TANGO2: variants seen among roughly 807,000 people sequenced by gnomAD.
The protein encoded by TANGO2 is transport and golgi organization 2 homolog.
TANGO2 carries 26 observed loss-of-function variants against 39.1 expected under a neutral mutation model. The ratio of observed to expected loss-of-function variants is 0.67; its 90% confidence interval spans 0.49 to 0.92. The LOEUF is 0.92. Among genes scored for constraint, TANGO2 ranks in the 40% least tolerant of loss-of-function variants. The pLI is 0.00. For missense variants in TANGO2, 326 were observed against 360.1 expected, an observed-to-expected ratio of 0.91 and a Z score of 0.77; for synonymous variants, 131 against 144.5, an observed-to-expected ratio of 0.91 and a Z score of 0.67.
intron 6 of TANGO2, among the ~76,000 whole-genome samples, chr22:20,059,636 T>C (rs1010899607): frequency 1.3e-5 from 2 of 152,200 alleles, no homozygotes; most frequent in Non-Finnish European, 2.9e-5. Flanking sequence ...ATGGCTATGA[T>C]GTTGAGCAGC....
In TANGO2 at chr22:20,043,392, C is replaced by A. The variant is rs199801224; in HGVS notation, c.94C>A (p.Arg32=). 2.5e-6 allele frequency: 4 copies of A among 1,613,662 alleles called. No individual in the cohort carries two copies. Among genetic ancestry groups the A allele is most frequent in the Non-Finnish European group, 3.4e-6 (4 of 1,179,668 alleles). ...LAANRDEFYS[R]PSKLADFWGN... The stretch of plus-strand genomic sequence containing the variant: ...AGCCAACAGGGATGAATTCTACAGC[C>A]GACCCTCCAAGTTAGCTGACTTCTG... The change falls in exon 3 of 9, where the codon CGA becomes AGA. Residue 32 remains arginine, a synonymous_variant. Transcript: ENST00000327374.
chr22:20,025,491 A>G (rs576723691), intron 1 of TANGO2, among the ~76,000 whole-genome samples: 109 of 152,160 alleles, frequency 7.2e-4, no homozygotes, highest in African/African-American at 2.6e-3. Flanking sequence ...AGATTGTACA[A>G]AGTGAACCCA....
chr22:20,030,490 G>A (rs1288011079), intron 1 of TANGO2, among the ~76,000 whole-genome samples: 1 of 152,150 alleles, frequency 6.6e-6, no homozygotes, highest in African/African-American at 2.4e-5. Context: ...GGGACTACAG[G>A]CGCCCGCCAC....
intron 1 of TANGO2, among the ~76,000 whole-genome samples, chr22:20,032,762 G>C (rs1357158295): frequency 6.6e-6 from 1 of 152,254 alleles, no homozygotes; most frequent in Non-Finnish European, 1.5e-5. Context: ...TGGCACAAGA[G>C]ATGCCCTGAG....
At chr22:20,025,238 G>A (rs1182743997) in intron 1 of TANGO2, among the ~76,000 whole-genome samples, 2 of 150,852 alleles carry the variant, frequency 1.3e-5, no homozygotes, top group African/African-American at 2.4e-5. Context: ...GATTACAGGC[G>A]TGCATCACCA....
Position 20,063,720 on chromosome 22 carries a change from C to T in TANGO2, c.710+278C>T, listed in dbSNP as rs545475459. 673 of 382,576 alleles carry T rather than the reference C, an allele frequency of 1.8e-3. 2 individuals are homozygous for T. Among genetic ancestry groups the T allele is most frequent in the Admixed American group, 5.9e-3 (134 of 22,854 alleles). 23.7% of individuals were successfully genotyped at this position (382,576 alleles called of 1,614,324 possible). On this transcript the variant is annotated intron_variant, in intron 8 of 8. Transcript: ENST00000327374. ...ACATTGGTGGATCCCTGCGGGCAAA[C>T]GCCCCGGCACCATGGCACTAGGCCT...
chr22:20,018,763 A>G (rs1945382059), upstream of TANGO2, among the ~76,000 whole-genome samples: 1 of 152,170 alleles, frequency 6.6e-6, no homozygotes. Context: ...TCGGCCCATT[A>G]GGCTGCAGCC....
At chr22:20,028,529 TG>T (rs1182323168) in intron 1 of TANGO2, among the ~76,000 whole-genome samples, 1 of 152,258 alleles carries the variant, frequency 6.6e-6, no homozygotes, top group Non-Finnish European at 1.5e-5. Context: ...CTGCCAGTCG[TG>T]GCTACAGGAG....
intron 3 of TANGO2, among the ~76,000 whole-genome samples, chr22:20,045,454 A>G (rs976150544): frequency 6.6e-6 from 1 of 151,230 alleles, no homozygotes; most frequent in Non-Finnish European, 1.5e-5. Context: ...AAGAAAAGAA[A>G]TGCAAATCAA....
At chr22:20,036,602 G>A (rs2042895129) in intron 1 of TANGO2, among the ~76,000 whole-genome samples, 158 bp from the exon 2 acceptor site, 1 of 152,188 alleles carries the variant, frequency 6.6e-6, no homozygotes, top group Non-Finnish European at 1.5e-5. Flanking sequence ...AGTTGTTTGT[G>A]TGGCACCGGC....
intron 1 of TANGO2, among the ~76,000 whole-genome samples, chr22:20,031,435 G>A (rs778756598): frequency 1.6e-4 from 25 of 152,192 alleles, no homozygotes; most frequent in Non-Finnish European, 2.5e-4. Flanking sequence ...GCCCTGCTGC[G>A]CTGTGCTGGT....
chr22:20,053,045 A>C (rs1035460948), intron 4 of TANGO2, among the ~76,000 whole-genome samples: 5 of 151,018 alleles, frequency 3.3e-5, no homozygotes, highest in South Asian at 4.2e-4. Flanking sequence ...CTCAGGGCGC[A>C]CTCTCCCCTT....
intron 6 of TANGO2, chr22:20,056,807 T>G: frequency 2.2e-6 from 1 of 456,658 alleles, no homozygotes; most frequent in Non-Finnish European, 4.4e-6. Flanking sequence ...CGGGGACTGC[T>G]GGCTCACTCA....
intron 6 of TANGO2, 149 bp downstream of exon 6, chr22:20,056,162 G>T (rs748731278): frequency 1.1e-5 from 8 of 729,446 alleles, no homozygotes; most frequent in Non-Finnish European, 2.0e-5. Flanking sequence ...TGGGCACCTT[G>T]CCCTGCACCT....
intron 1 of TANGO2, among the ~76,000 whole-genome samples, chr22:20,026,459 T>C (rs948961802): frequency 6.7e-6 from 1 of 149,892 alleles, no homozygotes; most frequent in Non-Finnish European, 1.5e-5. Flanking sequence ...GAAAAAGGAG[T>C]TCTCATTTTG....
In TANGO2 at chr22:20,064,984, G is replaced by A. The variant is rs563236387; in HGVS notation, c.*322G>A. ...ACATGGCACACACATACACTCCTGCGTGTGCACAAGCACACACATGCAAGC... is the reference window on the plus strand; with the variant it reads ...ACATGGCACACACATACACTCCTGCATGTGCACAAGCACACACATGCAAGC... On this transcript the variant is annotated 3_prime_UTR_variant, in exon 9 of 9. Transcript: ENST00000327374. 5.2e-5 allele frequency: 16 copies of A among 304,786 alleles called. No homozygotes were observed. In the East Asian group the frequency reaches 6.0e-4, roughly 11 times the overall value. 18.9% of individuals were successfully genotyped at this position (304,786 alleles called of 1,614,324 possible). A position where few individuals can be genotyped will look rare whatever the true frequency, so the allele number is the denominator to read the frequency against.
At chr22:20,038,911 C>T (rs1446710281) in intron 2 of TANGO2, among the ~76,000 whole-genome samples, 3 of 119,028 alleles carry the variant, frequency 2.5e-5, no homozygotes, top group Non-Finnish European at 5.2e-5. Context: ...AAGTAGGGTG[C>T]TTTAGGCCAC....
At chr22:20,027,273 C>G (rs111377708) in intron 1 of TANGO2, among the ~76,000 whole-genome samples, 2 of 152,346 alleles carry the variant, frequency 1.3e-5, no homozygotes, top group African/African-American at 4.8e-5. Context: ...CCACCAGGTC[C>G]TGCCTCCAAC....
chr22:20,025,005 A>G (rs977333329), intron 1 of TANGO2, among the ~76,000 whole-genome samples: 2 of 151,566 alleles, frequency 1.3e-5, no homozygotes, highest in African/African-American at 2.4e-5. Context: ...TTCCCTGCCC[A>G]TAGAAATGTC....
Sources: gnomAD v4.1 joint callset for allele counts (sites outside exome capture counted in the v4.1 genomes callset) on GRCh38, gnomAD v4.1.1 for gene constraint, MANE v1.5 for transcripts, NCBI Gene and HGNC (gene_info 2026-07-23, HGNC 2026-07-21) for gene names.